XKR9: variants seen among roughly 807,000 people sequenced by gnomAD.
The protein encoded by XKR9 is XK-related protein 9.
XKR9 carries 32 observed loss-of-function variants against 32.0 expected under a neutral mutation model. The ratio of observed to expected loss-of-function variants is 1.00; its 90% confidence interval spans 0.76 to 1.34. The LOEUF (loss-of-function observed/expected upper bound fraction) is 1.34. Among genes scored for constraint, XKR9 ranks in the 40% most tolerant of loss-of-function variants. The probability of loss-of-function intolerance (pLI) is 0.00; values close to 1 mark genes in which losing one functional copy is unlikely to be tolerated. For synonymous variants in XKR9, 168 were observed against 143.4 expected (o/e 1.17, Z -1.22); for missense variants, 546 against 429.7 (o/e 1.27, Z -2.39).
chr8:71,012,707 T>C, the XKR9 span, among the ~76,000 whole-genome samples: 2 of 152,140 alleles, frequency 1.3e-5, no homozygotes, highest in African/African-American at 4.8e-5. Context: ...AACTCCCCTT[T>C]GATGTAAGTA....
At chr8:70,743,203 C>T (rs1807012968) in intron 2 of XKR9, among the ~76,000 whole-genome samples, 1 of 152,054 alleles carries the variant, frequency 6.6e-6, no homozygotes, top group Non-Finnish European at 1.5e-5. Flanking sequence ...TAACATTTTT[C>T]AGATACTGCA....
intron 4 of XKR9, among the ~76,000 whole-genome samples, chr8:70,712,833 C>A (rs1805965402): frequency 1.3e-5 from 2 of 152,060 alleles, no homozygotes; most frequent in South Asian, 4.1e-4. Context: ...AAGAATAAAT[C>A]CTCCCTGGAA....
the XKR9 span, among the ~76,000 whole-genome samples, chr8:71,025,413 TTAAAC>T: frequency 1.3e-5 from 2 of 152,232 alleles, no homozygotes; most frequent in African/African-American, 4.8e-5. Flanking sequence ...TCATGACACT[TTAAAC>T]TAAGAAAACA....
intron 4 of XKR9, among the ~76,000 whole-genome samples, chr8:70,731,466 T>C (rs1322213369): frequency 6.6e-6 from 1 of 152,202 alleles, no homozygotes; most frequent in Non-Finnish European, 1.5e-5. Context: ...TTTTCTGTTT[T>C]ATGGAACCAT....
At chr8:70,702,412 G>A (rs577374137) in intron 3 of XKR9, among the ~76,000 whole-genome samples, 19 of 152,002 alleles carry the variant, frequency 1.2e-4, no homozygotes, top group South Asian at 2.1e-4. Flanking sequence ...GTTATTGAAC[G>A]TAATGTTCTA....
intron 4 of XKR9, among the ~76,000 whole-genome samples, chr8:70,716,526 G>A (rs767484500): frequency 1.2e-4 from 18 of 152,100 alleles, no homozygotes; most frequent in Non-Finnish European, 2.9e-5. Context: ...CCGAATGAAG[G>A]GGGAAGCCCC....
At chr8:71,058,165 C>T in the XKR9 span, among the ~76,000 whole-genome samples, 2 of 148,822 alleles carry the variant, frequency 1.3e-5, no homozygotes, top group Non-Finnish European at 3.0e-5. Context: ...TGGGCAACAG[C>T]GAGACTCCGT....
chr8:70,788,964 C>CTAA (rs1807727410), intron 2 of XKR9, among the ~76,000 whole-genome samples: 1 of 151,980 alleles, frequency 6.6e-6, no homozygotes, highest in Admixed American at 6.6e-5. Flanking sequence ...GACTACTGGA[C>CTAA]TAATCCTTGT....
At chr8:70,978,874 A>G in the XKR9 span, among the ~76,000 whole-genome samples, 1 of 152,144 alleles carries the variant, frequency 6.6e-6, no homozygotes, top group Non-Finnish European at 1.5e-5. Flanking sequence ...CAGTACACCA[A>G]TCAAGCATAG....
downstream of XKR9, among the ~76,000 whole-genome samples, chr8:70,736,433 T>A (rs1806864881): frequency 6.6e-6 from 1 of 152,198 alleles, no homozygotes; most frequent in Admixed American, 6.5e-5. Flanking sequence ...TTCACTCTGA[T>A]GGTAATTTCT....
At chr8:70,781,803 G>A (rs1017577868) in intron 2 of XKR9, among the ~76,000 whole-genome samples, 3 of 152,036 alleles carry the variant, frequency 2.0e-5, no homozygotes, top group Non-Finnish European at 4.4e-5. Flanking sequence ...TTTAGAACAA[G>A]CTTTCTCAAA....
the XKR9 span, among the ~76,000 whole-genome samples, chr8:71,017,706 G>A: frequency 1.3e-5 from 2 of 152,262 alleles, no homozygotes; most frequent in South Asian, 4.1e-4. Context: ...GTCTATTCAG[G>A]TACTCCCAAG....
the XKR9 span, among the ~76,000 whole-genome samples, chr8:71,050,867 T>G: frequency 1.4e-4 from 22 of 152,338 alleles, no homozygotes; most frequent in South Asian, 4.1e-3. Context: ...TAGGAGCGAT[T>G]CAGAATGTCA....
At position 70,721,858 on chromosome 8, in the gene XKR9, G is replaced by C. The variant is rs990189264; in HGVS notation, c.494-11938G>C. On this transcript the variant is annotated intron_variant, in intron 4 of 4. Transcript: ENST00000408926. ...CTGAGTTCAAGTCCTGAATATCCTTGTTAATTTTCTGTCTCATTGATCTAA... is the reference window on the plus strand; with the variant it reads ...CTGAGTTCAAGTCCTGAATATCCTTCTTAATTTTCTGTCTCATTGATCTAA... 2.6e-5 allele frequency among the ~76,000 whole-genome samples: 4 copies of C among 152,228 alleles called. No individual in the cohort carries two copies. The South Asian group carries it at 6.2e-4, about 24-fold the overall frequency.
the XKR9 span, among the ~76,000 whole-genome samples, chr8:71,061,638 C>G: frequency 2.0e-5 from 3 of 152,138 alleles, no homozygotes; most frequent in Middle Eastern, 3.4e-3. Context: ...ATTAGACAGA[C>G]AGAGAGAGAA....
the XKR9 span, among the ~76,000 whole-genome samples, chr8:70,940,057 G>A: frequency 2.0e-5 from 3 of 152,152 alleles, no homozygotes; most frequent in East Asian, 5.8e-4. Flanking sequence ...CACCGAATAT[G>A]TAGAGTGCTC....
At chr8:70,731,747 A>C (rs1449027556) in intron 4 of XKR9, among the ~76,000 whole-genome samples, 2 of 152,194 alleles carry the variant, frequency 1.3e-5, no homozygotes, top group Non-Finnish European at 2.9e-5. Context: ...ACCCTGAGAC[A>C]GGTCTGTTGA....
chr8:70,718,353 G>A (rs1358189069), intron 4 of XKR9, among the ~76,000 whole-genome samples: 2 of 151,978 alleles, frequency 1.3e-5, no homozygotes, highest in African/African-American at 2.4e-5. Flanking sequence ...TGTGCAGAAT[G>A]TGCAGGTTTG....
At chr8:70,716,116 G>GA (rs1806079437) in intron 4 of XKR9, among the ~76,000 whole-genome samples, 1 of 151,424 alleles carries the variant, frequency 6.6e-6, no homozygotes, top group Non-Finnish European at 1.5e-5. Flanking sequence ...TAAAAAACCA[G>GA]AAAAAAAGGA....
Sources: allele counts gnomAD v4.1 joint callset (sites outside exome capture counted in the v4.1 genomes callset), GRCh38; gene constraint gnomAD v4.1.1; transcripts MANE v1.5; gene names NCBI Gene and HGNC (gene_info 2026-07-23, HGNC 2026-07-21).